CIAPIN1: variants seen among roughly 807,000 people sequenced by gnomAD.
CIAPIN1 encodes anamorsin.
CIAPIN1 carries 18 observed loss-of-function variants against 34.3 expected under a neutral mutation model. The ratio of observed to expected loss-of-function variants is 0.52; its 90% confidence interval spans 0.36 to 0.78. The LOEUF (loss-of-function observed/expected upper bound fraction) is 0.78, where lower values mean the gene tolerates loss of function less well. CIAPIN1 is among the 30% of genes least tolerant of loss of function. The pLI is 0.00. For synonymous variants in CIAPIN1, 131 were observed against 140.4 expected, an observed-to-expected ratio of 0.93 and a Z score of 0.47; for missense variants, 310 against 372.5, an observed-to-expected ratio of 0.83 and a Z score of 1.38.
intron 4 of CIAPIN1, 70 bp from the exon 5 acceptor site, chr16:57,434,282 C>T: frequency 6.8e-7 from 1 of 1,470,034 alleles, no homozygotes. Flanking sequence ...TCTACCTACA[C>T]AGGAGTCAAA....
chr16:57,445,934 C>T (rs2030044880), intron 1 of CIAPIN1, among the ~76,000 whole-genome samples: 2 of 148,158 alleles, frequency 1.3e-5, no homozygotes, highest in South Asian at 4.3e-4. Context: ...CAACCTCCGA[C>T]TCCGGGGTTC....
intron 1 of CIAPIN1, among the ~76,000 whole-genome samples, 168 bp downstream of exon 1, chr16:57,447,174 C>T (rs1469581240): frequency 6.6e-6 from 1 of 152,192 alleles, no homozygotes; most frequent in African/African-American, 2.4e-5. Flanking sequence ...CCCCTCACAC[C>T]GACTTCTCAG....
At position 57,445,834 on chromosome 16, in the gene CIAPIN1, GTTTTTTTTTTTTTT is replaced by G. The variant is rs751037117; in HGVS notation, c.-56+1494_-56+1507del. The stretch of plus-strand genomic sequence containing the variant: ...AGACACTTAGACTAAGACCTTAGAG[GTTTTTTTTTTTTTT>G]TTTTTTTTTTTTTTTTTGGCAGAGT... On this transcript the variant is annotated intron_variant, in intron 1 of 8. Coordinates refer to ENST00000394391, the MANE Select transcript of CIAPIN1 (RefSeq NM_020313.4). Among the ~76,000 whole-genome samples, 15 of 70,494 alleles carry G rather than the reference GTTTTTTTTTTTTTT, an allele frequency of 2.1e-4. No individual in the cohort carries two copies. In the East Asian group the frequency reaches 4.0e-3, roughly 19 times the overall value. The allele number at this position is 70,494 out of a possible 152,430, so 46.2% of individuals were successfully genotyped here. A position where few individuals can be genotyped will look rare whatever the true frequency, so the allele number is the denominator to read the frequency against.
At chr16:57,433,661 A>G (rs1903138569) in intron 5 of CIAPIN1, 1 of 217,392 alleles carries the variant, frequency 4.6e-6, no homozygotes, top group Non-Finnish European at 9.3e-6. Flanking sequence ...GCATGGGGAA[A>G]AAAGCACATG....
intron 6 of CIAPIN1, chr16:57,431,589 G>C (rs1314914196): frequency 5.4e-6 from 1 of 183,622 alleles, no homozygotes; most frequent in African/African-American, 2.3e-5. Flanking sequence ...AGAAGGGAGG[G>C]AACAGGCAGA....
chr16:57,442,858 G>A (rs183021171), intron 1 of CIAPIN1, among the ~76,000 whole-genome samples: 3 of 152,154 alleles, frequency 2.0e-5, no homozygotes, highest in Admixed American at 6.5e-5. Context: ...CTGGATCCAC[G>A]GCCTCCATAA....
At chr16:57,431,296 C>T (rs761792450) in intron 6 of CIAPIN1, 30 bp from the exon 7 acceptor site, 1 of 1,446,860 alleles carries the variant, frequency 6.9e-7, no homozygotes, top group South Asian at 1.1e-5. Context: ...ATGAGTGATA[C>T]AGTCGTGGTC....
At chr16:57,430,382 C>A (rs1311708921) in intron 7 of CIAPIN1, 43 bp from the exon 8 acceptor site, 1 of 1,584,602 alleles carries the variant, frequency 6.3e-7, no homozygotes, top group African/African-American at 1.3e-5. Context: ...TTGTCACCAC[C>A]CAGAAATCCC....
At chr16:57,437,515 A>G (rs902263694) in intron 3 of CIAPIN1, among the ~76,000 whole-genome samples, 1 of 150,288 alleles carries the variant, frequency 6.7e-6, no homozygotes, top group Non-Finnish European at 1.5e-5. Context: ...ATATTATTTT[A>G]TTATTATTAT....
intron 1 of CIAPIN1, among the ~76,000 whole-genome samples, chr16:57,446,891 G>C (rs2030098892): frequency 6.6e-6 from 1 of 152,192 alleles, no homozygotes; most frequent in African/African-American, 2.4e-5. Context: ...CGTGAGCTCA[G>C]GTACCCCCCG....
chr16:57,434,288 T>G, intron 4 of CIAPIN1, 76 bp from the exon 5 acceptor site: 12 of 1,374,264 alleles, frequency 8.7e-6, no homozygotes, highest in Non-Finnish European at 1.2e-5. Flanking sequence ...TACACAGGAG[T>G]CAAAGACTCA....
chr16:57,434,337 A>G (rs1401519240), intron 4 of CIAPIN1, 125 bp from the exon 5 acceptor site: 4 of 800,156 alleles, frequency 5.0e-6, no homozygotes, highest in Admixed American at 4.4e-5. Context: ...ATGGTAACAG[A>G]TAACACTTTA....
chr16:57,446,440 G>A (rs1364645160), intron 1 of CIAPIN1, among the ~76,000 whole-genome samples: 1 of 152,200 alleles, frequency 6.6e-6, no homozygotes, highest in African/African-American at 2.4e-5. Flanking sequence ...TTGACAAGGG[G>A]TGTGCAAAGC....
chr16:57,445,350 T>C (rs564287143), intron 1 of CIAPIN1, among the ~76,000 whole-genome samples: 3 of 152,130 alleles, frequency 2.0e-5, no homozygotes, highest in African/African-American at 7.2e-5. Flanking sequence ...CTACTAAAAA[T>C]ACAAAGATTA....
chr16:57,441,069 G>A, intron 1 of CIAPIN1, 86 bp from the exon 2 acceptor site: 2 of 767,896 alleles, frequency 2.6e-6, no homozygotes, highest in Non-Finnish European at 4.1e-6. Flanking sequence ...CGCCCACTAG[G>A]GAATGCTGAC....
chr16:57,430,941 T>A (rs1903072700), intron 7 of CIAPIN1, among the ~76,000 whole-genome samples: 1 of 151,732 alleles, frequency 6.6e-6, no homozygotes, highest in African/African-American at 2.4e-5. Flanking sequence ...CAAGTGATCC[T>A]CCTGCCTTTG....
chr16:57,442,271 G>T (rs1903349222), intron 1 of CIAPIN1, among the ~76,000 whole-genome samples: 1 of 152,122 alleles, frequency 6.6e-6, no homozygotes, highest in Non-Finnish European at 1.5e-5. Context: ...GCTTGAACCT[G>T]GGAGATGGAG....
At chr16:57,435,033 C>A (rs12448733) in intron 4 of CIAPIN1, among the ~76,000 whole-genome samples, 2,888 of 152,174 alleles carry the variant, frequency 0.019, 43 homozygotes, top group Admixed American at 0.036. Context: ...GGATATGTGT[C>A]CCCTCTAAAT....
intron 3 of CIAPIN1, among the ~76,000 whole-genome samples, chr16:57,437,971 C>T (rs1213982244): frequency 3.9e-5 from 6 of 152,142 alleles, no homozygotes; most frequent in African/African-American, 1.4e-4. Context: ...GAGATAATGA[C>T]TATGAAAAGA....
Sources: gnomAD v4.1 joint callset for allele counts (sites outside exome capture counted in the v4.1 genomes callset) on GRCh38, gnomAD v4.1.1 for gene constraint, MANE v1.5 for transcripts, NCBI Gene and HGNC (gene_info 2026-07-23, HGNC 2026-07-21) for gene names.